Variants in ADAM22 observed in about 807,000 individuals in gnomAD.
The protein encoded by ADAM22 is disintegrin and metalloproteinase domain-containing protein 22.
In ADAM22, 65 loss-of-function variants were observed where a neutral mutation model predicts 144.6. The ratio of observed to expected loss-of-function variants is 0.45; its 90% CI spans 0.37 to 0.55. ADAM22 has a LOEUF of 0.55. ADAM22 is among the 20% of genes least tolerant of loss of function. The probability of loss-of-function intolerance (pLI) is 0.00; values close to 1 mark genes in which losing one functional copy is unlikely to be tolerated. For missense variants in ADAM22, 974 were observed against 1,184.9 expected (o/e 0.82, Z 2.61); for synonymous variants, 391 against 412.6 (o/e 0.95, Z 0.63).
Position 88,131,291 on chromosome 7 carries a change from C to T in ADAM22, c.848C>T (p.Thr283Ile), listed in dbSNP as rs1344980431. 2 of 1,613,162 alleles carry T rather than the reference C, an allele frequency of 1.2e-6. No homozygotes were observed. Among genetic ancestry groups the T allele is most frequent in the South Asian group, 1.1e-5 (1 of 91,040 alleles). ...TAGATATATAAAGACCAACTTAAGA[C>T]CAGGATAGTATTGGTTGCTATGGAA... ...ADLIYKDQLK[T>I]RIVLVAMETW... Residue 283 changes from threonine (T) to isoleucine (I), a missense_variant, in exon 11 of 32, where the codon ACC becomes ATC. Physicochemically the swap from Thr to Ile is moderately conservative, Grantham distance 89. This residue lies in a region of ADAM22 where 734 missense variants were observed against 950.6 expected (regional missense o/e 0.77). Coordinates refer to ENST00000413139, the MANE Select transcript of ADAM22 (RefSeq NM_001324418.2).
intron 9 of ADAM22, 40 bp downstream of exon 9, chr7:88,128,716 G>A: frequency 2.6e-6 from 4 of 1,528,794 alleles, no homozygotes; most frequent in Non-Finnish European, 2.7e-6. Context: ...TTGTGCCTAG[G>A]GTAAAACTGG....
chr7:88,031,094 C>T (rs556286023), intron 3 of ADAM22, among the ~76,000 whole-genome samples: 16 of 151,670 alleles, frequency 1.1e-4, no homozygotes, highest in African/African-American at 1.5e-4. Flanking sequence ...CCAGCCTGGG[C>T]GACAGAGCAA....
intron 3 of ADAM22, among the ~76,000 whole-genome samples, chr7:88,005,075 G>A (rs1255470884): frequency 2.6e-5 from 4 of 152,066 alleles, no homozygotes; most frequent in Non-Finnish European, 5.9e-5. Flanking sequence ...TGGGAGGATC[G>A]CTTAAGCCTA....
intron 15 of ADAM22, among the ~76,000 whole-genome samples, chr7:88,144,748 A>G (rs1046832472): frequency 2.0e-5 from 3 of 152,148 alleles, no homozygotes; most frequent in Admixed American, 6.6e-5. Flanking sequence ...ATTTTAATCT[A>G]GACATCTGAC....
At chr7:87,985,017 T>C (rs987190911) in intron 3 of ADAM22, among the ~76,000 whole-genome samples, 1 of 152,052 alleles carries the variant, frequency 6.6e-6, no homozygotes, top group African/African-American at 2.4e-5. Flanking sequence ...TTTTTTTTTT[T>C]TAAAGAATTT....
chr7:88,064,111 G>T (rs926721506), intron 3 of ADAM22, among the ~76,000 whole-genome samples: 3 of 152,128 alleles, frequency 2.0e-5, no homozygotes, highest in African/African-American at 7.2e-5. Flanking sequence ...GAGGATGGAA[G>T]GCCACAGGAG....
intron 14 of ADAM22, among the ~76,000 whole-genome samples, chr7:88,138,054 T>C (rs1833453275): frequency 6.6e-6 from 1 of 152,084 alleles, no homozygotes; most frequent in Admixed American, 6.6e-5. Context: ...CTTGGGAGGC[T>C]GAGGTGGGAG....
At chr7:88,047,254 C>T (rs1247687674) in intron 3 of ADAM22, among the ~76,000 whole-genome samples, 8 of 152,202 alleles carry the variant, frequency 5.3e-5, no homozygotes. Context: ...TATCTTTTCT[C>T]TACCTCTGTA....
At chr7:88,053,638 AAG>A (rs1807298432) in intron 3 of ADAM22, among the ~76,000 whole-genome samples, 1 of 139,244 alleles carries the variant, frequency 7.2e-6, no homozygotes, top group Admixed American at 7.4e-5. Flanking sequence ...GAAAGAAAGA[AAG>A]AAAGAAAGAA....
At chr7:88,075,587 G>T in intron 3 of ADAM22, 39 bp from the exon 4 acceptor site, 1 of 1,571,516 alleles carries the variant, frequency 6.4e-7, no homozygotes, top group Non-Finnish European at 8.8e-7. Context: ...TTACATTTTT[G>T]GGATCCTCTT....
chr7:87,980,391 T>G (rs908135996), intron 3 of ADAM22, among the ~76,000 whole-genome samples: 1 of 151,884 alleles, frequency 6.6e-6, no homozygotes, highest in Non-Finnish European at 1.5e-5. Context: ...TATCTTATTT[T>G]TAATGTAGAA....
At chr7:88,159,195 A>C (rs1840864589) in intron 22 of ADAM22, among the ~76,000 whole-genome samples, 1 of 152,084 alleles carries the variant, frequency 6.6e-6, no homozygotes, top group African/African-American at 2.4e-5. Flanking sequence ...CGTTTCCAAG[A>C]CTGAATCAGG....
At chr7:88,154,516 A>G (rs1563342767) in intron 21 of ADAM22, among the ~76,000 whole-genome samples, 2 of 152,200 alleles carry the variant, frequency 1.3e-5, no homozygotes, top group South Asian at 4.1e-4. Flanking sequence ...TACTCTAGAA[A>G]TAAATTATCT....
intron 2 of ADAM22, among the ~76,000 whole-genome samples, chr7:87,939,052 A>C (rs564985095): frequency 2.6e-5 from 4 of 152,350 alleles, no homozygotes; most frequent in African/African-American, 9.6e-5. Context: ...GGAATTCTTA[A>C]AGACGTGGAA....
rs567324900 is a variant in ADAM22, at chr7:88,181,848, G to A, written c.2597-110G>A. 8.0e-6 allele frequency: 8 copies of A among 1,006,106 alleles called. No homozygotes were observed. In the South Asian group the frequency reaches 9.1e-5, roughly 11 times the overall value. 62.3% of individuals were successfully genotyped at this position (1,006,106 alleles called of 1,614,324 possible). A position where few individuals can be genotyped will look rare whatever the true frequency, so the allele number is the denominator to read the frequency against. On this transcript the variant is annotated intron_variant, in intron 28 of 31. Coordinates refer to ENST00000413139, the MANE Select transcript of ADAM22 (RefSeq NM_001324418.2). ...AGCTGTACAGTGTGACAAACCCGGTGTTCCACAGTGGTGCTGCTTATCAAT... is the reference window on the plus strand; with the variant it reads ...AGCTGTACAGTGTGACAAACCCGGTATTCCACAGTGGTGCTGCTTATCAAT...
intron 29 of ADAM22, among the ~76,000 whole-genome samples, chr7:88,182,779 G>A (rs953248242): frequency 6.6e-6 from 1 of 152,006 alleles, no homozygotes; most frequent in Admixed American, 6.6e-5. Flanking sequence ...TCCCTTCATG[G>A]AATAAAACAC....
At chr7:88,062,714 A>G (rs1810225710) in intron 3 of ADAM22, among the ~76,000 whole-genome samples, 1 of 152,310 alleles carries the variant, frequency 6.6e-6, no homozygotes, top group Non-Finnish European at 1.5e-5. Flanking sequence ...CTTCCTCACT[A>G]AGCTTAATTG....
intron 10 of ADAM22, 46 bp downstream of exon 10, chr7:88,130,505 C>T: frequency 6.5e-7 from 1 of 1,528,176 alleles, no homozygotes; most frequent in Non-Finnish European, 9.0e-7. Flanking sequence ...ATTCTTATTT[C>T]CTAATTGCTA....
At chr7:87,935,461 T>C (rs1841022508) in intron 2 of ADAM22, among the ~76,000 whole-genome samples, 1 of 152,104 alleles carries the variant, frequency 6.6e-6, no homozygotes, top group Admixed American at 6.5e-5. Context: ...CGGAGAGCCC[T>C]CTGACATCTG....
Sources: gnomAD v4.1 joint callset for allele counts (sites outside exome capture counted in the v4.1 genomes callset) on GRCh38, gnomAD v4.1.1 for gene constraint, gnomAD v4.1.1 regional missense constraint, MANE v1.5 for transcripts, NCBI Gene and HGNC (gene_info 2026-07-23, HGNC 2026-07-21) for gene names.